The following FAM222A variants were observed in gnomAD, a reference collection of about 807,000 sequenced individuals.
The protein encoded by FAM222A is protein FAM222A.
In FAM222A, 7 loss-of-function variants were observed where a neutral mutation model predicts 25.8. The ratio of observed to expected loss-of-function variants is 0.27; its 90% CI spans 0.15 to 0.51. FAM222A has a LOEUF of 0.51. Ranked by LOEUF, FAM222A falls within the 20% of genes least tolerant of loss-of-function variation. The pLI is 0.97. For synonymous variants in FAM222A, 294 were observed against 298.8 expected (o/e 0.98, Z 0.17); for missense variants, 573 against 640.5 (o/e 0.89, Z 1.14).
intron 2 of FAM222A, among the ~76,000 whole-genome samples, chr12:109,757,051 G>C (rs1468566627): frequency 6.6e-6 from 1 of 152,122 alleles, no homozygotes; most frequent in Non-Finnish European, 1.5e-5. Flanking sequence ...AATTTCTCAA[G>C]TTAGTCTTGG....
intron 2 of FAM222A, among the ~76,000 whole-genome samples, chr12:109,765,816 G>A (rs1300033539): frequency 6.6e-6 from 1 of 152,224 alleles, no homozygotes; most frequent in Non-Finnish European, 1.5e-5. Context: ...TCTGAAGGGT[G>A]GCATGAGTCC....
At chr12:109,766,318 G>C (rs911509408) in intron 2 of FAM222A, among the ~76,000 whole-genome samples, 9 of 152,252 alleles carry the variant, frequency 5.9e-5, no homozygotes, top group African/African-American at 2.2e-4. Flanking sequence ...ATGGATGGGG[G>C]CAGGAGTCTG....
chr12:109,733,468 ATC>A (rs1388500129), intron 1 of FAM222A, among the ~76,000 whole-genome samples: 1 of 150,146 alleles, frequency 6.7e-6, no homozygotes, highest in African/African-American at 2.5e-5. Context: ...GTGGCGTGTG[ATC>A]TCAGCTCACT....
intron 1 of FAM222A, among the ~76,000 whole-genome samples, chr12:109,723,742 G>C (rs955783820): frequency 2.0e-5 from 3 of 152,222 alleles, no homozygotes; most frequent in African/African-American, 7.2e-5. Context: ...CCCAAGCCCA[G>C]AGCAGGTTCC....
chr12:109,732,294 CAAAG>C (rs1484189035), intron 1 of FAM222A, among the ~76,000 whole-genome samples: 1 of 152,214 alleles, frequency 6.6e-6, no homozygotes, highest in East Asian at 1.9e-4. Context: ...ATGAGTCTGA[CAAAG>C]AAAATAAAAT....
chr12:109,749,572 T>C (rs1341443824), intron 2 of FAM222A, among the ~76,000 whole-genome samples: 1 of 152,228 alleles, frequency 6.6e-6, no homozygotes, highest in East Asian at 1.9e-4. Context: ...GTGTTCACTT[T>C]GTTTTCAGGA....
rs1469505309 is a variant in FAM222A, at chr12:109,713,871, T to G, written c.-1073T>G. 1.4e-5 allele frequency among the ~76,000 whole-genome samples: 2 copies of G among 147,698 alleles called. No homozygotes were observed. The highest frequency in any genetic ancestry group is 6.7e-5 in the Admixed American group (1 of 14,920). On this transcript the variant is annotated 5_prime_UTR_variant, in exon 1 of 3. Transcript: ENST00000538780. ...CGGGCAGGACTGCCTGGCCGGCTGC[T>G]CCGCGGAGAGGCTGCGCGCGCCGGC...
rs766693500 is a variant in FAM222A at position 109,768,007 on chromosome 12, C to T, written c.83-5C>T. 6 of 1,609,560 alleles carry T rather than the reference C, an allele frequency of 3.7e-6. No homozygotes were observed. In the South Asian group the frequency reaches 6.6e-5, roughly 18 times the overall value. On this transcript the variant is annotated splice_polypyrimidine_tract_variant and splice_region_variant and intron_variant, in intron 2 of 2. Coordinates refer to ENST00000538780, the MANE Select transcript of FAM222A (RefSeq NM_032829.3). ...TGGGCCCTCACACCTGCTTTCCTCC[C>T]ACAGGCGAGGCGGTGGCCAGCGCCA...
chr12:109,729,685 G>A (rs892900836), intron 1 of FAM222A, among the ~76,000 whole-genome samples: 1 of 152,264 alleles, frequency 6.6e-6, no homozygotes, highest in Non-Finnish European at 1.5e-5. Context: ...AGCAAGGCTG[G>A]GAGACGGCGC....
chr12:109,758,616 T>G (rs998930663), intron 2 of FAM222A, among the ~76,000 whole-genome samples: 1 of 152,090 alleles, frequency 6.6e-6, no homozygotes, highest in Non-Finnish European at 1.5e-5. Context: ...GGAGAACAGC[T>G]GTGTCTGCCC....
chr12:109,752,899 A>G (rs553334098), intron 2 of FAM222A, among the ~76,000 whole-genome samples: 6 of 152,260 alleles, frequency 3.9e-5, no homozygotes, highest in Non-Finnish European at 7.4e-5. Flanking sequence ...GTGGGTTGCA[A>G]TGAGCTGTGG....
chr12:109,738,717 A>G (rs2136334555), intron 1 of FAM222A, among the ~76,000 whole-genome samples: 1 of 152,356 alleles, frequency 6.6e-6, no homozygotes, highest in East Asian at 1.9e-4. Flanking sequence ...GGCTACGTCT[A>G]GAGCCCCTTT....
intron 1 of FAM222A, among the ~76,000 whole-genome samples, chr12:109,719,726 C>A (rs1448187966): frequency 6.6e-6 from 1 of 151,922 alleles, no homozygotes; most frequent in Non-Finnish European, 1.5e-5. Context: ...CCAGGAAGGG[C>A]AGGGGGAGCT....
At chr12:109,751,837 C>G (rs541408399) in intron 2 of FAM222A, among the ~76,000 whole-genome samples, 1 of 152,218 alleles carries the variant, frequency 6.6e-6, no homozygotes, top group African/African-American at 2.4e-5. Context: ...GCCCTTTTTT[C>G]TGCTTCTTAG....
At chr12:109,729,576 A>G (rs1640797438) in intron 1 of FAM222A, among the ~76,000 whole-genome samples, 2 of 152,282 alleles carry the variant, frequency 1.3e-5, no homozygotes, top group Admixed American at 1.3e-4. Context: ...TGCAAGGGAA[A>G]AAAAACACAA....
At chr12:109,717,600 A>G (rs778812433) in intron 1 of FAM222A, among the ~76,000 whole-genome samples, 10 of 152,126 alleles carry the variant, frequency 6.6e-5, no homozygotes, top group Non-Finnish European at 1.5e-4. Context: ...CCTGATGGGG[A>G]AAGGGGCAGC....
intron 1 of FAM222A, among the ~76,000 whole-genome samples, chr12:109,739,491 G>A (rs537479655): frequency 1.1e-4 from 16 of 152,328 alleles, no homozygotes; most frequent in African/African-American, 3.4e-4. Flanking sequence ...CAAGGCCTGG[G>A]CTTTACTCAT....
At chr12:109,728,599 G>A (rs1887884107) in intron 1 of FAM222A, among the ~76,000 whole-genome samples, 1 of 152,176 alleles carries the variant, frequency 6.6e-6, no homozygotes, top group African/African-American at 2.4e-5. Context: ...CTCAGACTGG[G>A]GCATCTGCCA....
Position 109,768,618 on chromosome 12 carries a change from C to T in FAM222A, c.689C>T (p.Pro230Leu), listed in dbSNP as rs778158113. ...CQGMAIPHPSPAKHGPVPSFP... is the reference protein window; with the variant it reads ...CQGMAIPHPSLAKHGPVPSFP... ...GGCATGGCTATTCCCCATCCCAGCC[C>T]TGCCAAGCACGGCCCAGTGCCCAGC... Residue 230 changes from proline to leucine, a missense_variant, in exon 3 of 3, where the codon CCT becomes CTT. Transcript: ENST00000538780. 1.1e-5 allele frequency: 17 copies of T among 1,603,100 alleles called. No individual in the cohort carries two copies. The highest frequency in any genetic ancestry group is 1.4e-5 in the Non-Finnish European group (16 of 1,179,436).
Sources: allele counts gnomAD v4.1 joint callset (sites outside exome capture counted in the v4.1 genomes callset), GRCh38; gene constraint gnomAD v4.1.1; transcripts MANE v1.5; gene names NCBI Gene and HGNC (gene_info 2026-07-23, HGNC 2026-07-21).